Variants in SCAF8 observed in about 807,000 individuals in gnomAD.
SCAF8 encodes SR-related CTD associated factor 8.
SCAF8 carries 23 observed loss-of-function variants against 140.5 expected under a neutral mutation model. The ratio of observed to expected loss-of-function variants is 0.16; its 90% CI spans 0.12 to 0.23. SCAF8 has a LOEUF of 0.23. Ranked by LOEUF, SCAF8 falls within the 10% of genes least tolerant of loss-of-function variation. SCAF8 has a pLI of 1.00. For synonymous variants in SCAF8, 575 were observed against 528.9 expected, an observed-to-expected ratio of 1.09 and a Z score of -1.20; for missense variants, 1,397 against 1,555.7, an observed-to-expected ratio of 0.90 and a Z score of 1.72.
intron 16 of SCAF8, among the ~76,000 whole-genome samples, chr6:154,822,788 T>C (rs1778458281): frequency 6.6e-6 from 1 of 152,284 alleles, no homozygotes; most frequent in African/African-American, 2.4e-5. Context: ...AATATGTTTG[T>C]TTATTGAACA....
At position 154,832,005 on chromosome 6, in the gene SCAF8, A is replaced by G. The variant is rs529364101; in HGVS notation, c.2426A>G (p.Asn809Ser). The G allele has an allele frequency of 5.2e-5, 84 of 1,613,600 alleles. No individual in the cohort carries two copies. In the Admixed American group the frequency reaches 8.7e-4, roughly 17 times the overall value. Residue 809 changes from asparagine to serine, a missense_variant, in exon 20 of 20, where the codon AAT (asparagine) becomes AGT (serine). Around this residue, in one of 5 missense-constraint regions of SCAF8, gnomAD observed 930 missense variants for 874.6 expected, o/e 1.06. Transcript: ENST00000367178. The part of the protein sequence containing the change: ...LGGQPPNVTS[N>S]SGILGVQRPN... Reference sequence around the variant, plus strand: ...GGACAGCCGCCAAATGTGACAAGCAATTCTGGAATTCTGGGAGTCCAAAGA... The same window carrying G: ...GGACAGCCGCCAAATGTGACAAGCAGTTCTGGAATTCTGGGAGTCCAAAGA...
intron 8 of SCAF8, among the ~76,000 whole-genome samples, chr6:154,804,003 A>G (rs1777842819): frequency 6.6e-6 from 1 of 152,156 alleles, no homozygotes. Flanking sequence ...AAACACATCA[A>G]CCTAATGAGA....
chr6:154,756,090 TTTTTA>T (rs1778959715), intron 1 of SCAF8, among the ~76,000 whole-genome samples: 1 of 152,244 alleles, frequency 6.6e-6, no homozygotes, highest in African/African-American at 2.4e-5. Flanking sequence ...TCCCCCAGTA[TTTTTA>T]TTTTGACACT....
chr6:154,788,029 T>C lies in SCAF8; in HGVS notation c.321+7T>C, dbSNP rs1777302875. 6.3e-7 allele frequency: 1 copy of C among 1,581,418 alleles called. No homozygotes were observed. The highest frequency in any genetic ancestry group is 8.5e-7 in the Non-Finnish European group (1 of 1,169,768). Reference sequence around the variant, plus strand: ...TTGCCCTGGGGATGACAAGGTATGCTACTGGTTTTTTTTTTTTGTTTTTTT... The same window carrying C: ...TTGCCCTGGGGATGACAAGGTATGCCACTGGTTTTTTTTTTTTGTTTTTTT... On this transcript the variant is annotated splice_region_variant and intron_variant, in intron 4 of 19. Coordinates refer to ENST00000367178, the MANE Select transcript of SCAF8 (RefSeq NM_014892.5).
intron 2 of SCAF8, among the ~76,000 whole-genome samples, chr6:154,777,425 C>T (rs1776948318): frequency 1.3e-5 from 2 of 152,134 alleles, no homozygotes; most frequent in Admixed American, 1.3e-4. Context: ...TACATGTTCA[C>T]TTCCGCTGAT....
chr6:154,767,944 T>G (rs1000780473), intron 1 of SCAF8, among the ~76,000 whole-genome samples: 1 of 152,194 alleles, frequency 6.6e-6, no homozygotes, highest in Non-Finnish European at 1.5e-5. Flanking sequence ...ACCTCTCTTT[T>G]GCTTTAAGGA....
chr6:154,752,808 G>C (rs935713409), intron 1 of SCAF8, among the ~76,000 whole-genome samples: 1 of 152,064 alleles, frequency 6.6e-6, no homozygotes, highest in Admixed American at 6.6e-5. Context: ...AGCATTCTCC[G>C]CCTCCTAGGT....
At chr6:154,796,389 C>CTCTCTCTCTCTCTCTGTCTGTCTGTCTG (rs376622207) in intron 6 of SCAF8, among the ~76,000 whole-genome samples, 8 of 140,968 alleles carry the variant, frequency 5.7e-5, no homozygotes, top group African/African-American at 2.2e-4. Context: ...CTCTCTCTCT[C>CTCTCTCTCTCTCTCTGTCTGTCTGTCTG]TCTGTCTCTC....
At chr6:154,733,956 G>C (rs373747977) in intron 1 of SCAF8, 26 bp downstream of exon 1, 1 of 1,518,488 alleles carries the variant, frequency 6.6e-7, no homozygotes, top group East Asian at 2.7e-5. Flanking sequence ...GGGTTCCCCT[G>C]CTCCTGCCCG....
chr6:154,830,217 A>G (rs998972975), intron 18 of SCAF8, among the ~76,000 whole-genome samples: 7 of 152,212 alleles, frequency 4.6e-5, no homozygotes, highest in African/African-American at 1.4e-4. Context: ...GCTCTGTTGT[A>G]TGCTAACAGT....
At chr6:154,763,894 C>G (rs1776478059) in intron 1 of SCAF8, among the ~76,000 whole-genome samples, 1 of 152,066 alleles carries the variant, frequency 6.6e-6, no homozygotes, top group Non-Finnish European at 1.5e-5. Context: ...AAGGGCAGAG[C>G]TGAGGAGTTG....
chr6:154,752,927 G>A (rs1778874577), intron 1 of SCAF8, among the ~76,000 whole-genome samples: 2 of 151,950 alleles, frequency 1.3e-5, no homozygotes, highest in South Asian at 4.2e-4. Flanking sequence ...TCATTTAAAA[G>A]AATTTCATTG....
chr6:154,831,162 TA>T, intron 19 of SCAF8, 22 bp downstream of exon 19: 2 of 1,426,178 alleles, frequency 1.4e-6, no homozygotes, highest in East Asian at 2.5e-5. Context: ...TAATAAAATT[TA>T]AAAAAAGAGG....
chr6:154,799,267 C>T lies in SCAF8; in HGVS notation c.607-2704C>T, dbSNP rs535415520. 4.6e-5 allele frequency among the ~76,000 whole-genome samples: 7 copies of T among 151,368 alleles called. No homozygotes were observed. The South Asian group carries it at 8.3e-4, about 18-fold the overall frequency. On this transcript the variant is annotated intron_variant, in intron 6 of 19. Coordinates refer to ENST00000367178, the MANE Select transcript of SCAF8 (RefSeq NM_014892.5). ...TGCTGGAATTACAGGCATGAGCCAC[C>T]GTGCCTGGCCAATTTTTTATTTTTA... is the stretch of plus-strand genomic sequence containing the variant.
chr6:154,748,569 A>G (rs1778763299), intron 1 of SCAF8, among the ~76,000 whole-genome samples: 2 of 152,146 alleles, frequency 1.3e-5, no homozygotes, highest in Admixed American at 1.3e-4. Flanking sequence ...GTGGTTTTTA[A>G]ATTTGCCTTT....
chr6:154,822,098 A>G (rs1364701500), intron 15 of SCAF8, 178 bp from the exon 16 acceptor site: 3 of 498,336 alleles, frequency 6.0e-6, no homozygotes, highest in Non-Finnish European at 1.0e-5. Flanking sequence ...TTTGAACTCC[A>G]TAGTATCCTA....
intron 12 of SCAF8, among the ~76,000 whole-genome samples, chr6:154,813,226 A>AT (rs1778148232): frequency 6.6e-6 from 1 of 151,900 alleles, no homozygotes; most frequent in Non-Finnish European, 1.5e-5. Flanking sequence ...CAAAACAAAA[A>AT]ACAGAAGAAT....
At chr6:154,828,547 TC>T (rs1325607350) in intron 18 of SCAF8, among the ~76,000 whole-genome samples, 1 of 151,788 alleles carries the variant, frequency 6.6e-6, no homozygotes, top group Non-Finnish European at 1.5e-5. Context: ...GTAGATTGTT[TC>T]ATCTTTGGAC....
At chr6:154,805,101 A>AT (rs1234835582) in intron 8 of SCAF8, among the ~76,000 whole-genome samples, 35 of 152,294 alleles carry the variant, frequency 2.3e-4, no homozygotes, top group African/African-American at 8.4e-4. Context: ...ATTTATATGT[A>AT]TTTAACAGCC....
Sources: gnomAD v4.1 joint callset for allele counts (sites outside exome capture counted in the v4.1 genomes callset) on GRCh38, gnomAD v4.1.1 for gene constraint, gnomAD v4.1.1 regional missense constraint, MANE v1.5 for transcripts, NCBI Gene and HGNC (gene_info 2026-07-23, HGNC 2026-07-21) for gene names.